NUP93: variants seen among roughly 807,000 people sequenced by gnomAD.
The protein encoded by NUP93 is nuclear pore complex protein Nup93.
Under a neutral mutation model 107.8 loss-of-function variants are expected in NUP93, and 55 were observed. That is an observed-to-expected ratio of 0.51 (90% CI 0.41 to 0.64). The LOEUF (loss-of-function observed/expected upper bound fraction) is 0.64, where lower values mean the gene tolerates loss of function less well. NUP93 is among the 30% of genes least tolerant of loss of function. NUP93 has a pLI of 0.00. For synonymous variants in NUP93, 390 were observed against 397.5 expected, an observed-to-expected ratio of 0.98 and a Z score of 0.22; for missense variants, 937 against 1,044.7, an observed-to-expected ratio of 0.90 and a Z score of 1.42.
At chr16:56,824,217 C>T (rs1479182193) in intron 8 of NUP93, among the ~76,000 whole-genome samples, 1 of 152,182 alleles carries the variant, frequency 6.6e-6, no homozygotes, top group Non-Finnish European at 1.5e-5. Flanking sequence ...TTTAATTTTA[C>T]TCCCAGGCAT....
intron 21 of NUP93, 98 bp from the exon 22 acceptor site, chr16:56,844,401 A>G: frequency 3.3e-6 from 2 of 598,004 alleles, no homozygotes; most frequent in South Asian, 9.3e-5. Flanking sequence ...GCTGGGGTAG[A>G]GGATGGAAGA....
At chr16:56,804,050 A>G (rs1963079634) in intron 4 of NUP93, among the ~76,000 whole-genome samples, 1 of 152,130 alleles carries the variant, frequency 6.6e-6, no homozygotes, top group Non-Finnish European at 1.5e-5. Context: ...ACCACGTGTG[A>G]CCAGAAAACA....
intron 3 of NUP93, among the ~76,000 whole-genome samples, chr16:56,766,040 A>G (rs1962210486): frequency 6.6e-6 from 1 of 152,250 alleles, no homozygotes; most frequent in Admixed American, 6.5e-5. Context: ...TATGTGAGCC[A>G]GGGATATAAG....
chr16:56,828,898 TA>T, intron 8 of NUP93, 78 bp from the exon 9 acceptor site: 1 of 1,456,152 alleles, frequency 6.9e-7, no homozygotes, highest in Non-Finnish European at 9.5e-7. Context: ...AGCTACAGTG[TA>T]ATGTCATGGA....
Position 56,768,048 on chromosome 16 carries a change from T to A in NUP93, c.297+9393T>A, listed in dbSNP as rs1403321884. 4.6e-5 allele frequency among the ~76,000 whole-genome samples: 7 copies of A among 152,358 alleles called. No homozygotes were observed. The East Asian group carries it at 1.3e-3, about 29-fold the overall frequency. ...CAAGCCCTTTTTAAAATGGGGTTTG[T>A]TAGCTATAAAATTACTCAGTTTGCT... On this transcript the variant is annotated intron_variant, in intron 3 of 21. Coordinates refer to ENST00000308159, the MANE Select transcript of NUP93 (RefSeq NM_014669.5).
intron 5 of NUP93, among the ~76,000 whole-genome samples, chr16:56,818,126 T>C (rs1237832242): frequency 2.6e-5 from 4 of 152,220 alleles, no homozygotes; most frequent in Non-Finnish European, 5.9e-5. Flanking sequence ...ATTTACTGAA[T>C]GAATGTCCAA....
chr16:56,737,425 T>C (rs1961631601), intron 1 of NUP93, among the ~76,000 whole-genome samples: 1 of 152,154 alleles, frequency 6.6e-6, no homozygotes, highest in Non-Finnish European at 1.5e-5. Flanking sequence ...CCAAATAGCA[T>C]CACATTGTGG....
chr16:56,789,385 C>T (rs1035871347), intron 3 of NUP93, among the ~76,000 whole-genome samples: 1 of 152,208 alleles, frequency 6.6e-6, no homozygotes, highest in East Asian at 1.9e-4. Context: ...CCTTAATGGA[C>T]ACAAATCCGT....
chr16:56,761,724 A>C (rs1446672894), intron 3 of NUP93, among the ~76,000 whole-genome samples: 6 of 152,208 alleles, frequency 3.9e-5, no homozygotes, highest in Non-Finnish European at 7.3e-5. Flanking sequence ...CATCGTTTGC[A>C]TTACTTATAA....
At chr16:56,804,654 A>C (rs1055028082) in intron 4 of NUP93, among the ~76,000 whole-genome samples, 2 of 152,192 alleles carry the variant, frequency 1.3e-5, no homozygotes, top group Non-Finnish European at 2.9e-5. Context: ...CACACCTGTA[A>C]TCCCAGCACT....
At chr16:56,740,273 G>T (rs1393716600) in intron 1 of NUP93, among the ~76,000 whole-genome samples, 1 of 147,272 alleles carries the variant, frequency 6.8e-6, no homozygotes, top group Non-Finnish European at 1.5e-5. Flanking sequence ...CTCAGACGGG[G>T]TGGTTGCCGG....
chr16:56,818,037 G>A (rs2144602868), intron 5 of NUP93, among the ~76,000 whole-genome samples: 1 of 152,276 alleles, frequency 6.6e-6, no homozygotes, highest in Admixed American at 6.5e-5. Context: ...TTGGGGACAG[G>A]CTTCGCAGGC....
At chr16:56,742,861 A>T (rs1208614673) in intron 1 of NUP93, among the ~76,000 whole-genome samples, 1 of 152,252 alleles carries the variant, frequency 6.6e-6, no homozygotes, top group Admixed American at 6.5e-5. Flanking sequence ...TTGAGAGTCC[A>T]TAAGCCCTGA....
Position 56,834,157 on chromosome 16 carries a change from T to C in NUP93, c.1567T>C (p.Leu523=), listed in dbSNP as rs200391134. 6.2e-7 allele frequency: 1 copy of C among 1,614,182 alleles called. No homozygotes were observed. Among genetic ancestry groups the C allele is most frequent in the East Asian group, 2.2e-5 (1 of 44,872 alleles). Residue 523 remains leucine (L), a synonymous_variant, in exon 14 of 22, where the codon TTG becomes CTG. Coordinates refer to ENST00000308159, the MANE Select transcript of NUP93 (RefSeq NM_014669.5). ...CCACGAGCCTGGTGACCCTCCTTGC[T>C]TGCGGCGGCTGAACTTCGTGCGGCT... ...LSHEPGDPPC[L]RRLNFVRLLM...
intron 1 of NUP93, among the ~76,000 whole-genome samples, chr16:56,734,169 A>T (rs1306258227): frequency 6.6e-6 from 1 of 152,236 alleles, no homozygotes; most frequent in Non-Finnish European, 1.5e-5. Flanking sequence ...CAACGAGGTA[A>T]AACAGAAATG....
intron 6 of NUP93, 114 bp from the exon 7 acceptor site, chr16:56,821,390 C>G (rs1963538208): frequency 1.5e-6 from 1 of 686,874 alleles, no homozygotes; most frequent in Non-Finnish European, 2.5e-6. Flanking sequence ...GGCTCAGCCA[C>G]TCCGAGGAAG....
intron 5 of NUP93, among the ~76,000 whole-genome samples, chr16:56,808,119 T>C (rs1466186949): frequency 8.3e-6 from 1 of 120,934 alleles, no homozygotes; most frequent in Non-Finnish European, 1.7e-5. Flanking sequence ...ATATATATTA[T>C]ATAACTATAT....
rs151173626 is a variant in NUP93, at chr16:56,754,996, G to A, written c.180-3542G>A. Among the ~76,000 whole-genome samples, 1,172 of 152,332 alleles carry A rather than the reference G, an allele frequency of 7.7e-3. 17 individuals carry two copies. Among genetic ancestry groups the A allele is most frequent in the African/African-American group, 0.027 (1,105 of 41,566 alleles). ...CAAAAAGATAGTAACAAGTGTTGGC[G>A]AGGATGTGGGAAAAATTGGAATCTT... On this transcript the variant is annotated intron_variant, in intron 2 of 21. Transcript: ENST00000308159.
chr16:56,770,310 G>A (rs1962296034), intron 3 of NUP93, among the ~76,000 whole-genome samples: 1 of 152,188 alleles, frequency 6.6e-6, no homozygotes, highest in Admixed American at 6.5e-5. Context: ...GAGCTGGCCA[G>A]GGGCTTAGGA....
Sources: gnomAD v4.1 joint callset for allele counts (sites outside exome capture counted in the v4.1 genomes callset) on GRCh38, gnomAD v4.1.1 for gene constraint, MANE v1.5 for transcripts, NCBI Gene and HGNC (gene_info 2026-07-23, HGNC 2026-07-21) for gene names.